ZC3H4: variants seen among roughly 807,000 people sequenced by gnomAD.
ZC3H4 encodes the protein zinc finger CCCH domain-containing protein 4.
ZC3H4 carries 13 observed loss-of-function variants against 108.3 expected under a neutral mutation model. The observed-to-expected ratio is 0.12, with a 90% CI of 0.08 to 0.19. The LOEUF (loss-of-function observed/expected upper bound fraction) is 0.19, where lower values mean the gene tolerates loss of function less well. ZC3H4 is among the 10% of genes least tolerant of loss of function. The pLI, the probability that ZC3H4 is intolerant of heterozygous loss-of-function variation, is 1.00. For synonymous variants in ZC3H4, 917 were observed against 749.6 expected (o/e 1.22, Z -3.65); for missense variants, 1,734 against 1,838.8 (o/e 0.94, Z 1.04).
intron 14 of ZC3H4, among the ~76,000 whole-genome samples, 174 bp downstream of exon 14, chr19:47,068,918 A>T (rs1237746830): frequency 6.6e-6 from 1 of 152,020 alleles, no homozygotes; most frequent in African/African-American, 2.4e-5. Flanking sequence ...CCTGACTGCC[A>T]GTTTTCTCAG....
At chr19:47,103,301 A>ATTAT (rs377754791) in intron 2 of ZC3H4, among the ~76,000 whole-genome samples, 75 of 152,188 alleles carry the variant, frequency 4.9e-4, no homozygotes, top group Non-Finnish European at 8.2e-4. Context: ...TTTGTTTATA[A>ATTAT]TTATTTATTT....
In ZC3H4 at chr19:47,067,124, G is replaced by A. The variant is rs888807130; in HGVS notation, c.3144C>T (p.Arg1048=). 9.9e-6 allele frequency: 16 copies of A among 1,612,052 alleles called. No individual in the cohort carries two copies. The Middle Eastern group carries it at 9.9e-4, about 100-fold the overall frequency. Residue 1048 remains arginine, a synonymous_variant, in exon 15 of 15, where the codon CGC becomes CGT. Transcript: ENST00000253048. The surrounding 1 kb of genome is among the most constrained non-coding windows in gnomAD (Gnocchi z 6.4). ...CGGTGGCATTGACTGTCTTGAGGAT[G>A]CGAGACAGAAGTTCAAAGTCGGGGA... ...ANLPDFELLS[R]ILKTVNATGS...
At chr19:47,094,171 C>A in intron 3 of ZC3H4, 91 bp from the exon 4 acceptor site, 1 of 1,331,416 alleles carries the variant, frequency 7.5e-7, no homozygotes. Flanking sequence ...CTGGCATGTG[C>A]CGCAGGGCTC....
chr19:47,066,875 C>T lies in ZC3H4; in HGVS notation c.3393G>A (p.Leu1131=), dbSNP rs184799751. The change falls in exon 15 of 15, where the codon CTG becomes CTA. Residue 1131 remains leucine (L), a synonymous_variant. Coordinates refer to ENST00000253048, the MANE Select transcript of ZC3H4 (RefSeq NM_015168.2). The part of the protein sequence containing the change: ...YDPRVLAAGG[L]GQGGGGGQSS... ...TCTGCCCGCCCCCTCCGCCCTGGCC[C>T]AGTCCACCGGCCGCCAGCACGCGGG... 6.3e-7 allele frequency: 1 copy of T among 1,598,566 alleles called. No homozygotes were observed. Among genetic ancestry groups the T allele is most frequent in the Non-Finnish European group, 8.5e-7 (1 of 1,178,882 alleles).
Position 47,067,276 on chromosome 19 carries a change from C to CG in ZC3H4, c.2991dup (p.Val998ArgfsTer47), listed in dbSNP as rs774387692. On this transcript the variant is annotated frameshift_variant, in exon 15 of 15. Coordinates refer to ENST00000253048, the MANE Select transcript of ZC3H4 (RefSeq NM_015168.2). LOFTEE classifies it high-confidence loss of function. This position sits in a 1 kb window ranked among gnomAD's most constrained non-coding sequence, Gnocchi z 6.4. ...GGCATGGATTGCAGGGCCGCGGGCA[C>CG]GGGGGGCACTGCGTCCTGCTTGGGG... 6.3e-7 allele frequency: 1 copy of CG among 1,588,294 alleles called. No homozygotes were observed. The highest frequency in any genetic ancestry group is 8.6e-7 in the Non-Finnish European group (1 of 1,167,002).
chr19:47,067,063 T>G lies in ZC3H4; in HGVS notation c.3205A>C (p.Ser1069Arg). ...SAAPGSSDKP[S>R]DPRVRKAPTD... ...GGGGCCTTCCGCACCCGGGGGTCACTGGGTTTGTCGCTGGAACCGGGGGCG... is the reference window on the plus strand; with the variant it reads ...GGGGCCTTCCGCACCCGGGGGTCACGGGGTTTGTCGCTGGAACCGGGGGCG... Residue 1069 changes from serine (S) to arginine (R), a missense_variant, in exon 15 of 15, where the codon AGT (serine) becomes CGT (arginine). This residue lies in a region of ZC3H4 where 518 missense variants were observed against 499.6 expected (regional missense o/e 1.04). Transcript: ENST00000253048. This position sits in a 1 kb window ranked among gnomAD's most constrained non-coding sequence, Gnocchi z 6.4. 1 of 1,608,812 alleles carries G rather than the reference T, an allele frequency of 6.2e-7. No individual in the cohort carries two copies. Among genetic ancestry groups the G allele is most frequent in the East Asian group, 2.2e-5 (1 of 44,758 alleles).
At chr19:47,082,061 T>C in intron 10 of ZC3H4, 123 bp downstream of exon 10, 1 of 848,360 alleles carries the variant, frequency 1.2e-6, no homozygotes, top group Non-Finnish European at 2.0e-6. Context: ...AGATGGAGAC[T>C]CACAGAAAGC....
chr19:47,067,944 C>A lies in ZC3H4; in HGVS notation c.2399-75G>T. The A allele has an allele frequency of 1.5e-5, 21 of 1,381,388 alleles. No individual in the cohort carries two copies. The highest frequency in any genetic ancestry group is 2.1e-5 in the Non-Finnish European group (21 of 1,010,496). The allele number at this position is 1,381,388 out of a possible 1,614,324, so 85.6% of individuals were successfully genotyped here. A position where few individuals can be genotyped will look rare whatever the true frequency, so the allele number is the denominator to read the frequency against. ...CCGCCCTCTTGGATCCCACAGCAGCCCACCGTGAGCAGCTCCTTTGCTTGT... is the reference window on the plus strand; with the variant it reads ...CCGCCCTCTTGGATCCCACAGCAGCACACCGTGAGCAGCTCCTTTGCTTGT... On this transcript the variant is annotated intron_variant, in intron 14 of 14. Transcript: ENST00000253048. This position sits in a 1 kb window ranked among gnomAD's most constrained non-coding sequence, Gnocchi z 6.4.
At chr19:47,103,149 A>G (rs1455477597) in intron 2 of ZC3H4, among the ~76,000 whole-genome samples, 1 of 152,198 alleles carries the variant, frequency 6.6e-6, no homozygotes, top group African/African-American at 2.4e-5. Flanking sequence ...CTCAGCAATG[A>G]AGAGTTTTCT....
At chr19:47,105,874 G>A (rs548840752) in intron 2 of ZC3H4, among the ~76,000 whole-genome samples, 34 of 152,224 alleles carry the variant, frequency 2.2e-4, no homozygotes, top group African/African-American at 7.2e-4. Flanking sequence ...TATCCCACTA[G>A]TGGCTATACC....
intron 2 of ZC3H4, among the ~76,000 whole-genome samples, chr19:47,111,232 A>G (rs2058034901): frequency 6.6e-6 from 1 of 152,194 alleles, no homozygotes; most frequent in Admixed American, 6.5e-5. Flanking sequence ...ACCAGGAAAC[A>G]GTGGGCGAAC....
chr19:47,082,207 G>T lies in ZC3H4; in HGVS notation c.1307C>A (p.Ala436Asp), dbSNP rs778504736. The T allele has an allele frequency of 6.2e-7, 1 of 1,613,994 alleles. No homozygotes were observed. Among genetic ancestry groups the T allele is most frequent in the South Asian group, 1.1e-5 (1 of 91,074 alleles). Residue 436 changes from alanine to aspartate, a missense_variant, in exon 10 of 15, where the codon GCT becomes GAT. Around this residue, in one of 9 missense-constraint regions of ZC3H4, gnomAD observed 66 missense variants for 166.8 expected, o/e 0.40. Coordinates refer to ENST00000253048, the MANE Select transcript of ZC3H4 (RefSeq NM_015168.2). ...ATCGTGCATATAAGGGCAGTTCTCA[G>T]CTCTGGCGCAAAATCCAGTGATGTA... The part of the protein sequence containing the change: ...KFYITGFCAR[A>D]ENCPYMHGDF...
In ZC3H4 at chr19:47,078,698, A is replaced by G. The variant is rs2057465882; in HGVS notation, c.1440+2815T>C. On this transcript the variant is annotated intron_variant, in intron 11 of 14. Coordinates refer to ENST00000253048, the MANE Select transcript of ZC3H4 (RefSeq NM_015168.2). ...AACAGGGTGAAACCCTGTCTCTACT[A>G]AAAATACAAAACTCAGCTGGGCATG... is the stretch of plus-strand genomic sequence containing the variant. 2.6e-5 allele frequency among the ~76,000 whole-genome samples: 4 copies of G among 152,148 alleles called. No homozygotes were observed. The South Asian group carries it at 8.3e-4, about 32-fold the overall frequency.
Position 47,072,132 on chromosome 19 carries a change from GA to G in ZC3H4, c.1803-12del, listed in dbSNP as rs1168607016. 9 of 1,515,402 alleles carry G rather than the reference GA, an allele frequency of 5.9e-6. No individual in the cohort carries two copies. Among genetic ancestry groups the G allele is most frequent in the Middle Eastern group, 1.8e-4 (1 of 5,572 alleles). 93.9% of individuals were successfully genotyped at this position (1,515,402 alleles called of 1,614,324 possible). A position where few individuals can be genotyped will look rare whatever the true frequency, so the allele number is the denominator to read the frequency against. ...CCGGGTCCAGGGAACCTAGAAGAGG[GA>G]AAAGGTGCCTGTGACGGAAGCTGCC... On this transcript the variant is annotated splice_polypyrimidine_tract_variant and intron_variant, in intron 12 of 14. Coordinates refer to ENST00000253048, the MANE Select transcript of ZC3H4 (RefSeq NM_015168.2). The surrounding 1 kb of genome is among the most constrained non-coding windows in gnomAD (Gnocchi z 5.6).
chr19:47,068,945 C>A, intron 14 of ZC3H4, 147 bp downstream of exon 14: 1 of 1,500,482 alleles, frequency 6.7e-7, no homozygotes, highest in Non-Finnish European at 8.8e-7. Flanking sequence ...GCAGCAGCCC[C>A]AGCCCGGCTT....
At chr19:47,090,582 T>C (rs2122956403) in intron 4 of ZC3H4, among the ~76,000 whole-genome samples, 1 of 152,272 alleles carries the variant, frequency 6.6e-6, no homozygotes, top group South Asian at 2.1e-4. Context: ...ATGGCCTGCT[T>C]GGCAGCCAGG....
In ZC3H4 at chr19:47,069,096, C is replaced by T. The variant is rs369977579; in HGVS notation, c.2394G>A (p.Glu798=). ...GCCCCTGGGGCGGACACGTGCCTTCCTCATTCTCCCGGTCCTGCTTGCTGC... is the reference window on the plus strand; with the variant it reads ...GCCCCTGGGGCGGACACGTGCCTTCTTCATTCTCCCGGTCCTGCTTGCTGC... ...AESSKQDREN[E]EGDTGNWYSS... The change falls in exon 14 of 15, where the codon GAG becomes GAA. Residue 798 remains glutamate, a synonymous_variant. Transcript: ENST00000253048. 2 of 1,603,224 alleles carry T rather than the reference C, an allele frequency of 1.2e-6. No individual in the cohort carries two copies. The highest frequency in any genetic ancestry group is 1.7e-6 in the Non-Finnish European group (2 of 1,179,900).
At chr19:47,074,773 C>G (rs1568537711) in intron 11 of ZC3H4, among the ~76,000 whole-genome samples, 1 of 152,214 alleles carries the variant, frequency 6.6e-6, no homozygotes, top group Admixed American at 6.5e-5. Context: ...GCATGCCACT[C>G]GTGCTGTCAC....
intron 2 of ZC3H4, 83 bp from the exon 3 acceptor site, chr19:47,094,691 G>A: frequency 4.2e-6 from 6 of 1,433,598 alleles, no homozygotes; most frequent in Non-Finnish European, 4.8e-6. Flanking sequence ...AGGCTGACAG[G>A]AACCGAAGGC....
Sources: gnomAD v4.1 joint callset for allele counts (sites outside exome capture counted in the v4.1 genomes callset) on GRCh38, gnomAD v4.1.1 for gene constraint, gnomAD v4.1.1 regional missense constraint, Gnocchi (gnomAD v3.1) non-coding constraint, MANE v1.5 for transcripts, NCBI Gene and HGNC (gene_info 2026-07-23, HGNC 2026-07-21) for gene names.